IL19: variants seen among roughly 807,000 people sequenced by gnomAD.
IL19 encodes interleukin-19.
Under a neutral mutation model 19.5 loss-of-function variants are expected in IL19, and 15 were observed. The observed-to-expected ratio is 0.77, with a 90% confidence interval of 0.52 to 1.19. IL19 has a LOEUF of 1.19. Among genes scored for constraint, IL19 ranks in the 50% most tolerant of loss-of-function variants. IL19 has a pLI of 0.00. For missense variants in IL19, 199 were observed against 213.1 expected, an observed-to-expected ratio of 0.93 and a Z score of 0.41; for synonymous variants, 78 against 78.3, an observed-to-expected ratio of 1.00 and a Z score of 0.02.
At chr1:206,825,367 T>C (rs1008130946) in intron 2 of IL19, among the ~76,000 whole-genome samples, 1 of 152,274 alleles carries the variant, frequency 6.6e-6, no homozygotes, top group Non-Finnish European at 1.5e-5. Flanking sequence ...TTGAATTGCC[T>C]TTGATGCAGC....
Position 206,789,942 on chromosome 1 carries a change from A to C in IL19, c.-148-8919A>C, listed in dbSNP as rs376061159. On this transcript the variant is annotated intron_variant, in intron 1 of 6. Coordinates refer to ENST00000659997, the MANE Select transcript of IL19 (RefSeq NM_153758.5). The stretch of plus-strand genomic sequence containing the variant: ...TTCACTAATTTGTTGGTGGACACTT[A>C]GGTTAGTTCCATATCTTTCCAATTG... Among the ~76,000 whole-genome samples, 12 of 152,184 alleles carry C rather than the reference A, an allele frequency of 7.9e-5. No homozygotes were observed. In the East Asian group the frequency reaches 1.9e-3, roughly 24 times the overall value.
intron 1 of IL19, among the ~76,000 whole-genome samples, chr1:206,790,326 C>T (rs1030846975): frequency 6.6e-6 from 1 of 152,094 alleles, no homozygotes; most frequent in Non-Finnish European, 1.5e-5. Context: ...TTGTGCCATC[C>T]TCTCAGTATC....
At chr1:206,791,491 TG>T (rs1675402894) in intron 1 of IL19, among the ~76,000 whole-genome samples, 1 of 152,000 alleles carries the variant, frequency 6.6e-6, no homozygotes, top group Non-Finnish European at 1.5e-5. Context: ...TTAGTAGAGA[TG>T]GGGTTTCACC....
At chr1:206,841,131 G>A (rs1677003495) in intron 6 of IL19, 53 bp downstream of exon 6, 5 of 1,419,840 alleles carry the variant, frequency 3.5e-6, no homozygotes, top group Middle Eastern at 1.8e-4. Context: ...TAGATCAGGA[G>A]GGTGCCAGGC....
At chr1:206,835,811 T>TATAAA (rs1676770852) in intron 2 of IL19, among the ~76,000 whole-genome samples, 1 of 152,258 alleles carries the variant, frequency 6.6e-6, no homozygotes, top group South Asian at 2.1e-4. Context: ...CCCCATAAGC[T>TATAAA]GTACCATTAT....
At chr1:206,830,703 C>T (rs964049996) in intron 2 of IL19, among the ~76,000 whole-genome samples, 22 of 152,018 alleles carry the variant, frequency 1.4e-4, no homozygotes, top group Admixed American at 5.9e-4. Context: ...CTCTGCCTGC[C>T]GAGTAGCTGG....
intron 2 of IL19, among the ~76,000 whole-genome samples, chr1:206,820,921 T>A (rs1002501944): frequency 6.6e-6 from 1 of 152,170 alleles, no homozygotes; most frequent in South Asian, 2.1e-4. Context: ...TTTCCATGAA[T>A]CCTCAAAGAC....
intron 2 of IL19, among the ~76,000 whole-genome samples, chr1:206,832,174 A>G (rs1676627620): frequency 6.6e-6 from 1 of 152,262 alleles, no homozygotes; most frequent in Non-Finnish European, 1.5e-5. Flanking sequence ...CCAAAGGAGC[A>G]GAAAGATGTC....
intron 2 of IL19, among the ~76,000 whole-genome samples, chr1:206,825,906 G>A (rs1023407882): frequency 6.6e-6 from 1 of 152,194 alleles, no homozygotes; most frequent in Non-Finnish European, 1.5e-5. Context: ...GAACAACACA[G>A]ACAAGATCCC....
intron 2 of IL19, among the ~76,000 whole-genome samples, chr1:206,833,317 G>A (rs1212532934): frequency 6.6e-6 from 1 of 152,230 alleles, no homozygotes; most frequent in Non-Finnish European, 1.5e-5. Flanking sequence ...AAAGGTTAGA[G>A]CAGAGGAGAC....
intron 2 of IL19, among the ~76,000 whole-genome samples, chr1:206,799,516 G>A (rs1034741514): frequency 5.3e-5 from 8 of 152,188 alleles, no homozygotes; most frequent in Admixed American, 1.3e-4. Context: ...CTGAGGCCAC[G>A]TAGTCACTCC....
intron 4 of IL19, 35 bp from the exon 5 acceptor site, chr1:206,839,815 G>T (rs1676937960): frequency 6.4e-7 from 1 of 1,569,908 alleles, no homozygotes; most frequent in Non-Finnish European, 8.6e-7. Context: ...AATGAGAGAA[G>T]AGGCCTCTAG....
At chr1:206,772,691 A>G (rs1298820340) in intron 1 of IL19, among the ~76,000 whole-genome samples, 1 of 152,148 alleles carries the variant, frequency 6.6e-6, no homozygotes, top group East Asian at 1.9e-4. Flanking sequence ...GAACTTCTGC[A>G]TTACAGCTAT....
chr1:206,816,395 C>T (rs959953626), intron 2 of IL19, among the ~76,000 whole-genome samples: 10 of 151,832 alleles, frequency 6.6e-5, no homozygotes, highest in African/African-American at 1.5e-4. Flanking sequence ...AGTGAAGAAA[C>T]GGAAGTACAC....
intron 2 of IL19, chr1:206,829,011 CTTTTTTTTTT>C (rs5780365): frequency 8.5e-6 from 1 of 117,702 alleles, no homozygotes; most frequent in African/African-American, 3.4e-5. Context: ...ACACATGCAG[CTTTTTTTTTT>C]TTTTTTTTTC....
At chr1:206,822,018 C>T (rs759767291) in intron 2 of IL19, among the ~76,000 whole-genome samples, 10 of 152,158 alleles carry the variant, frequency 6.6e-5, no homozygotes, top group Non-Finnish European at 1.0e-4. Flanking sequence ...CGTGCCCCAC[C>T]GTGCCTGGAA....
chr1:206,838,753 TCCC>T (rs1406142901), intron 4 of IL19, among the ~76,000 whole-genome samples: 7 of 125,698 alleles, frequency 5.6e-5, no homozygotes, highest in Non-Finnish European at 1.0e-4. Context: ...TCCCTTCCCT[TCCC>T]TTCCCTTCCC....
At chr1:206,773,092 C>T (rs1674901008) in intron 1 of IL19, among the ~76,000 whole-genome samples, 3 of 152,162 alleles carry the variant, frequency 2.0e-5, no homozygotes, top group East Asian at 1.9e-4. Context: ...GTGTTCCAGG[C>T]TCCTTTACCC....
intron 1 of IL19, among the ~76,000 whole-genome samples, chr1:206,792,907 C>G (rs942673992): frequency 1.3e-5 from 2 of 152,220 alleles, no homozygotes; most frequent in Admixed American, 1.3e-4. Context: ...TCTGCTGTCC[C>G]TTAACAGAGC....
Sources: allele counts gnomAD v4.1 joint callset (sites outside exome capture counted in the v4.1 genomes callset), GRCh38; gene constraint gnomAD v4.1.1; transcripts MANE v1.5; gene names NCBI Gene and HGNC (gene_info 2026-07-23, HGNC 2026-07-21).